EDARADD: variants seen among roughly 807,000 people sequenced by gnomAD.
EDARADD encodes the protein ectodysplasin-A receptor-associated adapter protein.
Under a neutral mutation model 25.6 loss-of-function variants are expected in EDARADD, and 20 were observed. That is an observed-to-expected ratio of 0.78 (90% CI 0.55 to 1.14). The LOEUF (loss-of-function observed/expected upper bound fraction) is 1.14, where lower values mean the gene tolerates loss of function less well. Among genes scored for constraint, EDARADD ranks in the 50% most tolerant of loss-of-function variants. EDARADD has a pLI of 0.00. For synonymous variants in EDARADD, 86 were observed against 94.4 expected, an observed-to-expected ratio of 0.91 and a Z score of 0.52; for missense variants, 225 against 270.1, an observed-to-expected ratio of 0.83 and a Z score of 1.17.
At chr1:236,379,458 G>GAAATA in intron 3 of EDARADD, among the ~76,000 whole-genome samples, 1 of 151,916 alleles carries the variant, frequency 6.6e-6, no homozygotes, top group South Asian at 2.1e-4. Context: ...AGCTTCTATT[G>GAAATA]AAATACCGGT....
rs5781885 is a variant in EDARADD, at chr1:236,436,624, CAA to C, written c.219+9193_219+9194del. On this transcript the variant is annotated intron_variant, in intron 4 of 5. Coordinates refer to ENST00000334232, the MANE Select transcript of EDARADD (RefSeq NM_145861.4). ...CATGGGTGACAGAGCAAGATCTTGT[CAA>C]AAAAAAAAAAAAAAAAAAGTAAGAA... 1.3e-3 allele frequency among the ~76,000 whole-genome samples: 124 copies of C among 94,206 alleles called. 1 individual carries two copies. Among genetic ancestry groups the C allele is most frequent in the South Asian group, 0.013 (30 of 2,358 alleles). The allele number at this position is 94,206 out of a possible 152,430, so 61.8% of individuals were successfully genotyped here.
chr1:236,436,315 C>G (rs944852292), intron 4 of EDARADD, among the ~76,000 whole-genome samples: 1 of 152,014 alleles, frequency 6.6e-6, no homozygotes, highest in East Asian at 1.9e-4. Context: ...CACCACTGCA[C>G]CCGGCTAATT....
chr1:236,370,999 C>T (rs556205814), intron 3 of EDARADD, among the ~76,000 whole-genome samples: 4 of 152,170 alleles, frequency 2.6e-5, no homozygotes, highest in Admixed American at 6.6e-5. Context: ...TTAACTTAGA[C>T]GTCTTTCACT....
chr1:236,464,423 CTTT>C (rs35064410), intron 4 of EDARADD, among the ~76,000 whole-genome samples: 1,443 of 72,786 alleles, frequency 0.02, 23 homozygotes, highest in African/African-American at 0.059. Context: ...CTTGCTGCAA[CTTT>C]TTTTTTTTTT....
chr1:236,460,471 C>T (rs1659009064), intron 4 of EDARADD, among the ~76,000 whole-genome samples: 2 of 152,132 alleles, frequency 1.3e-5, no homozygotes, highest in African/African-American at 4.8e-5. Context: ...CAGGAATGAG[C>T]CACCATTCCC....
intron 4 of EDARADD, among the ~76,000 whole-genome samples, chr1:236,430,552 A>C (rs1319282438): frequency 1.3e-5 from 2 of 152,258 alleles, no homozygotes; most frequent in African/African-American, 4.8e-5. Flanking sequence ...TATATTTATC[A>C]ACTAAAAAAA....
At chr1:236,369,450 A>G (rs948819096) in intron 3 of EDARADD, among the ~76,000 whole-genome samples, 13 of 152,186 alleles carry the variant, frequency 8.5e-5, no homozygotes, top group African/African-American at 2.9e-4. Context: ...CTCATCTGCC[A>G]TTTTGGCTTC....
rs538681280 is a variant in EDARADD at position 236,467,644 on chromosome 1, A to AT, written c.220-585dup. Among the ~76,000 whole-genome samples, 1,133 of 152,314 alleles carry AT rather than the reference A, an allele frequency of 7.4e-3. 9 individuals carry two copies. The highest frequency in any genetic ancestry group is 0.01 in the Non-Finnish European group (694 of 68,028). Reference sequence around the variant, plus strand: ...CTGAAATAAATAGAAAAGGGAAAGAATTGTAACCTGGATTGACAGACAACA... The same window carrying AT: ...CTGAAATAAATAGAAAAGGGAAAGAATTTGTAACCTGGATTGACAGACAACA... On this transcript the variant is annotated intron_variant, in intron 4 of 5. Coordinates refer to ENST00000334232, the MANE Select transcript of EDARADD (RefSeq NM_145861.4).
At chr1:236,460,752 TTGG>T in intron 4 of EDARADD, among the ~76,000 whole-genome samples, 1 of 152,130 alleles carries the variant, frequency 6.6e-6, no homozygotes, top group Non-Finnish European at 1.5e-5. Context: ...CAGCTTTGTC[TTGG>T]GAATTCTTAC....
chr1:236,462,510 A>C, intron 4 of EDARADD, among the ~76,000 whole-genome samples: 1 of 151,858 alleles, frequency 6.6e-6, no homozygotes, highest in East Asian at 1.9e-4. Flanking sequence ...ACATCAGTCC[A>C]TTCCCCCGTG....
At chr1:236,425,244 G>A (rs1482785122) in intron 3 of EDARADD, among the ~76,000 whole-genome samples, 1 of 152,232 alleles carries the variant, frequency 6.6e-6, no homozygotes, top group African/African-American at 2.4e-5. Flanking sequence ...GAGAGCAGTT[G>A]AGTACCAAAT....
intron 1 of EDARADD, among the ~76,000 whole-genome samples, chr1:236,404,545 G>A (rs1325795287): frequency 6.6e-6 from 1 of 152,162 alleles, no homozygotes; most frequent in African/African-American, 2.4e-5. Context: ...TAAGGCAAAG[G>A]CTGATAAAGT....
At chr1:236,474,125 C>T (rs116222430) in intron 5 of EDARADD, among the ~76,000 whole-genome samples, 2,339 of 152,098 alleles carry the variant, frequency 0.015, 62 homozygotes, top group African/African-American at 0.053. Context: ...CACTGGGATT[C>T]GAAGAGCACC....
At chr1:236,468,826 G>C (rs1260141293) in intron 5 of EDARADD, among the ~76,000 whole-genome samples, 1 of 152,088 alleles carries the variant, frequency 6.6e-6, no homozygotes, top group Admixed American at 6.6e-5. Context: ...TTCTGAATGG[G>C]GCAGGTTTAG....
At chr1:236,436,331 A>G (rs1260914543) in intron 4 of EDARADD, among the ~76,000 whole-genome samples, 1 of 151,738 alleles carries the variant, frequency 6.6e-6, no homozygotes, top group Non-Finnish European at 1.5e-5. Flanking sequence ...TAATTTTTGC[A>G]TTTTTAGTAG....
chr1:236,405,790 T>TTTCTTTC (rs750188716), intron 1 of EDARADD, among the ~76,000 whole-genome samples: 1,540 of 49,484 alleles, frequency 0.031, 50 homozygotes, highest in South Asian at 0.049. Context: ...TCTTTCTTTC[T>TTTCTTTC]TTTCTTTTTC....
chr1:236,401,943 G>T (rs962549642), intron 1 of EDARADD, among the ~76,000 whole-genome samples: 1 of 152,050 alleles, frequency 6.6e-6, no homozygotes, highest in Non-Finnish European at 1.5e-5. Context: ...AGAGTCTGTC[G>T]GGTGGTCAGT....
At chr1:236,409,106 G>A in intron 1 of EDARADD, 110 bp from the exon 2 acceptor site, 1 of 574,956 alleles carries the variant, frequency 1.7e-6, no homozygotes, top group South Asian at 3.4e-5. Flanking sequence ...GTTTTCTTCA[G>A]CCTAAGTAAA....
At position 236,432,651 on chromosome 1, in the gene EDARADD, G is replaced by A. The variant is rs182209365; in HGVS notation, c.219+5201G>A. 7.2e-4 allele frequency among the ~76,000 whole-genome samples: 109 copies of A among 151,988 alleles called. 4 individuals are homozygous for A. The East Asian group carries it at 0.02, about 28-fold the overall frequency. On this transcript the variant is annotated intron_variant, in intron 4 of 5. Coordinates refer to ENST00000334232, the MANE Select transcript of EDARADD (RefSeq NM_145861.4). Reference sequence around the variant, plus strand: ...TGTAATCCCAGCACTTTGGGAGGCCGAAGTGGGCAGATCACCTGAGATCAG... The same window carrying A: ...TGTAATCCCAGCACTTTGGGAGGCCAAAGTGGGCAGATCACCTGAGATCAG...
Sources: allele counts gnomAD v4.1 joint callset (sites outside exome capture counted in the v4.1 genomes callset), GRCh38; gene constraint gnomAD v4.1.1; transcripts MANE v1.5; gene names NCBI Gene and HGNC (gene_info 2026-07-23, HGNC 2026-07-21).